The following PTPRD variants were observed in gnomAD, a reference collection of about 807,000 sequenced individuals.
The protein encoded by PTPRD is protein tyrosine phosphatase receptor type D, also known as receptor-type tyrosine-protein phosphatase delta.
A neutral mutation model predicts 214.5 loss-of-function variants in PTPRD; 34 were observed. The observed-to-expected ratio is 0.16, with a 90% CI of 0.12 to 0.21. PTPRD has a LOEUF of 0.21. Ranked by LOEUF, PTPRD falls within the 10% of genes least tolerant of loss-of-function variation. The pLI, the probability that PTPRD is intolerant of heterozygous loss-of-function variation, is 1.00. For missense variants in PTPRD, 2,545 were observed against 2,398.7 expected, an observed-to-expected ratio of 1.06 and a Z score of -1.27; for synonymous variants, 1,128 against 845.7, an observed-to-expected ratio of 1.33 and a Z score of -5.79.
rs186535125 is a variant in PTPRD, at chr9:8,374,833, G to A, written c.4661+1103C>T. On this transcript the variant is annotated intron_variant, in intron 39 of 45. Coordinates refer to ENST00000381196, the MANE Select transcript of PTPRD (RefSeq NM_002839.4). The stretch of plus-strand genomic sequence containing the variant: ...ACTTGCCAGCTCATTGTTTAACAAT[G>A]AGCATTGTAGCATGGTTTGGCTAGG... Among the ~76,000 whole-genome samples the A allele has an allele frequency of 5.5e-4, 83 of 152,038 alleles. 2 individuals are homozygous for A. The highest frequency in any genetic ancestry group is 2.3e-3 in the East Asian group (12 of 5,178).
chr9:10,271,543 TC>T (rs774118378), intron 3 of PTPRD, among the ~76,000 whole-genome samples: 67,342 of 135,710 alleles, frequency 0.5, 19,580 homozygotes, highest in Non-Finnish European at 0.64. Flanking sequence ...TCTTTTCTTT[TC>T]TTTTCTTTTT....
chr9:9,546,477 C>G (rs886596008), intron 8 of PTPRD, among the ~76,000 whole-genome samples: 1 of 151,490 alleles, frequency 6.6e-6, no homozygotes, highest in Non-Finnish European at 1.5e-5. Context: ...ATTTGCCCTC[C>G]TTAGGTGATT....
At chr9:8,413,301 A>G (rs1475000877) in intron 35 of PTPRD, among the ~76,000 whole-genome samples, 3 of 152,164 alleles carry the variant, frequency 2.0e-5, no homozygotes, top group Non-Finnish European at 4.4e-5. Flanking sequence ...GGAACAGATG[A>G]ATTTCTAAAT....
At chr9:9,821,780 T>A (rs932388188) in intron 5 of PTPRD, among the ~76,000 whole-genome samples, 15 of 151,784 alleles carry the variant, frequency 9.9e-5, no homozygotes, top group Admixed American at 9.2e-4. Context: ...ACCACATAGA[T>A]AATAAGCAGT....
intron 5 of PTPRD, among the ~76,000 whole-genome samples, chr9:9,857,982 A>C (rs888907851): frequency 1.3e-4 from 20 of 152,252 alleles, no homozygotes. Flanking sequence ...TGAAGATATG[A>C]AGAATGCATT....
intron 3 of PTPRD, among the ~76,000 whole-genome samples, chr9:10,269,574 A>C (rs888053907): frequency 1.3e-5 from 2 of 152,180 alleles, no homozygotes; most frequent in African/African-American, 2.4e-5. Flanking sequence ...CTGCCTAGTA[A>C]GACTGTAAGC....
chr9:9,494,777 C>A (rs556266483), intron 8 of PTPRD, among the ~76,000 whole-genome samples: 96 of 152,090 alleles, frequency 6.3e-4, no homozygotes, highest in Non-Finnish European at 1.1e-3. Flanking sequence ...TAATCAATAT[C>A]CCAAATAAGT....
At chr9:8,688,272 A>C (rs1268795981) in intron 12 of PTPRD, among the ~76,000 whole-genome samples, 1 of 152,198 alleles carries the variant, frequency 6.6e-6, no homozygotes, top group Non-Finnish European at 1.5e-5. Context: ...TGTGGTTCAA[A>C]AAGGAAAAAT....
chr9:10,152,215 C>T (rs940662203), intron 3 of PTPRD, among the ~76,000 whole-genome samples: 1 of 152,116 alleles, frequency 6.6e-6, no homozygotes, highest in African/African-American at 2.4e-5. Flanking sequence ...AAGTTTTAGT[C>T]GTTCTAGTAA....
chr9:10,180,158 T>A (rs2099273829), intron 3 of PTPRD, among the ~76,000 whole-genome samples: 1 of 152,072 alleles, frequency 6.6e-6, no homozygotes, highest in Non-Finnish European at 1.5e-5. Context: ...TTAAAACATA[T>A]GTTTAAAAAA....
At chr9:10,170,192 G>A (rs1293379991) in intron 3 of PTPRD, among the ~76,000 whole-genome samples, 1 of 152,128 alleles carries the variant, frequency 6.6e-6, no homozygotes, top group Non-Finnish European at 1.5e-5. Context: ...CTCAGAATCT[G>A]ATCCTGAGCT....
At chr9:9,772,172 C>A (rs2821508) in intron 5 of PTPRD, among the ~76,000 whole-genome samples, 1 of 151,810 alleles carries the variant, frequency 6.6e-6, no homozygotes, top group South Asian at 2.1e-4. Context: ...GAGGAGGATG[C>A]TAGAACACAG....
At chr9:10,181,027 C>T (rs2099279381) in intron 3 of PTPRD, among the ~76,000 whole-genome samples, 1 of 152,058 alleles carries the variant, frequency 6.6e-6, no homozygotes, top group Non-Finnish European at 1.5e-5. Context: ...ACCACTCCTA[C>T]TGTGTAGCAC....
chr9:9,013,106 C>A (rs1371483034), intron 11 of PTPRD, among the ~76,000 whole-genome samples: 1 of 152,016 alleles, frequency 6.6e-6, no homozygotes, highest in Non-Finnish European at 1.5e-5. Context: ...TTTTTAAGCA[C>A]CAATGCTATT....
intron 2 of PTPRD, among the ~76,000 whole-genome samples, chr9:10,569,489 A>G (rs1213952966): frequency 6.6e-6 from 1 of 151,486 alleles, no homozygotes; most frequent in Non-Finnish European, 1.5e-5. Context: ...CATCCTGTAT[A>G]CTTGTGTATA....
In PTPRD at chr9:9,476,348, C is replaced by T. The variant is rs77728619; in HGVS notation, c.-236-78866G>A. On this transcript the variant is annotated intron_variant, in intron 8 of 45. Coordinates refer to ENST00000381196, the MANE Select transcript of PTPRD (RefSeq NM_002839.4). ...TGTGAATTACATGGTGTGAACAAAT[C>T]TAGCCAGGGGCCTATTCTCAGAAGA... Among the ~76,000 whole-genome samples the T allele has an allele frequency of 9.7e-3, 1,483 of 152,284 alleles. 18 individuals are homozygous for T. The highest frequency in any genetic ancestry group is 0.032 in the African/African-American group (1,321 of 41,560).
chr9:8,666,571 C>T (rs989914783), intron 12 of PTPRD, among the ~76,000 whole-genome samples: 1 of 152,170 alleles, frequency 6.6e-6, no homozygotes, highest in Non-Finnish European at 1.5e-5. Context: ...ACAGAAACTA[C>T]CTTTTTCTCA....
At chr9:9,426,488 A>G (rs1336747798) in intron 8 of PTPRD, among the ~76,000 whole-genome samples, 1 of 152,220 alleles carries the variant, frequency 6.6e-6, no homozygotes, top group African/African-American at 2.4e-5. Flanking sequence ...ACGGCAGAGC[A>G]TAGCTGAACA....
At chr9:9,068,491 T>G (rs2099738617) in intron 10 of PTPRD, among the ~76,000 whole-genome samples, 1 of 152,210 alleles carries the variant, frequency 6.6e-6, no homozygotes, top group Non-Finnish European at 1.5e-5. Flanking sequence ...TTCTTTTAGT[T>G]TCTGACATTC....
Sources: allele counts gnomAD v4.1 joint callset (sites outside exome capture counted in the v4.1 genomes callset), GRCh38; gene constraint gnomAD v4.1.1; transcripts MANE v1.5; gene names NCBI Gene and HGNC (gene_info 2026-07-23, HGNC 2026-07-21).